The following SMIM31 variants were observed in gnomAD, a reference collection of about 807,000 sequenced individuals.
SMIM31 encodes human epithelial cell program regulator.
At chr4:164,783,464 C>T (rs1732986464) in intron 2 of SMIM31, among the ~76,000 whole-genome samples, 1 of 146,316 alleles carries the variant, frequency 6.8e-6, no homozygotes, top group Non-Finnish European at 1.5e-5. Context: ...GCGAAGGTTA[C>T]AGTGAGCCCC....
At chr4:164,761,242 T>A (rs1371905722) in intron 1 of SMIM31, among the ~76,000 whole-genome samples, 1 of 152,226 alleles carries the variant, frequency 6.6e-6, no homozygotes, top group African/African-American at 2.4e-5. Flanking sequence ...GGAAATAGTC[T>A]TTCTACTATG....
rs1020908533 is a variant in SMIM31, at chr4:164,802,517, T to A, written c.*1323T>A. ...TCCCAAAGCACTGGGATTACACGCATGAGCCACCATGCCTGGCCTGTTATT... is the reference window on the plus strand; with the variant it reads ...TCCCAAAGCACTGGGATTACACGCAAGAGCCACCATGCCTGGCCTGTTATT... On this transcript the variant is annotated 3_prime_UTR_variant, in exon 3 of 3. Coordinates refer to ENST00000507311, the MANE Select transcript of SMIM31 (RefSeq NM_001352885.1). 6.6e-6 allele frequency: 1 copy of A among 152,290 alleles called. No individual in the cohort carries two copies. The highest frequency in any genetic ancestry group is 2.4e-5 in the African/African-American group (1 of 41,468). 9.4% of individuals were successfully genotyped at this position (152,290 alleles called of 1,614,324 possible).
intron 2 of SMIM31, among the ~76,000 whole-genome samples, chr4:164,786,113 C>T (rs1300921446): frequency 6.6e-6 from 1 of 152,130 alleles, no homozygotes. Context: ...ATCAACTTCA[C>T]AGATTTTAAA....
chr4:164,782,683 G>C (rs1329306095), intron 2 of SMIM31, among the ~76,000 whole-genome samples: 2 of 151,722 alleles, frequency 1.3e-5, no homozygotes, highest in Non-Finnish European at 2.9e-5. Flanking sequence ...AATTTAAAAA[G>C]AATGCTACTT....
intron 1 of SMIM31, among the ~76,000 whole-genome samples, chr4:164,761,636 T>C (rs1460813261): frequency 6.6e-6 from 1 of 152,004 alleles, no homozygotes; most frequent in East Asian, 1.9e-4. Context: ...ATAAGGTCTC[T>C]GGCTGGGCAC....
chr4:164,767,783 G>A (rs1367501156), intron 1 of SMIM31, among the ~76,000 whole-genome samples: 1 of 152,228 alleles, frequency 6.6e-6, no homozygotes, highest in African/African-American at 2.4e-5. Context: ...TGACAAGAAG[G>A]TAGTCGGGTT....
chr4:164,799,977 C>T (rs1161195335), intron 2 of SMIM31, among the ~76,000 whole-genome samples: 1 of 152,196 alleles, frequency 6.6e-6, no homozygotes, highest in Non-Finnish European at 1.5e-5. Flanking sequence ...TGCTTTAAGG[C>T]TCACCCAACA....
chr4:164,788,124 C>T (rs1040933205), intron 2 of SMIM31, among the ~76,000 whole-genome samples: 2 of 152,064 alleles, frequency 1.3e-5, no homozygotes, highest in Non-Finnish European at 2.9e-5. Flanking sequence ...AAATAAATAT[C>T]GTCAGCAATC....
intron 1 of SMIM31, among the ~76,000 whole-genome samples, chr4:164,755,819 A>G (rs1732554074): frequency 6.6e-6 from 1 of 152,256 alleles, no homozygotes; most frequent in African/African-American, 2.4e-5. Flanking sequence ...ATGCAGTAGT[A>G]GCAAAGCCTT....
chr4:164,791,770 A>T (rs7681785), intron 2 of SMIM31, among the ~76,000 whole-genome samples: 2 of 151,892 alleles, frequency 1.3e-5, no homozygotes, highest in Non-Finnish European at 2.9e-5. Flanking sequence ...GGAGTGGTGA[A>T]GTCTGGGCTT....
intron 2 of SMIM31, among the ~76,000 whole-genome samples, chr4:164,772,657 C>A (rs892565845): frequency 2.0e-5 from 3 of 151,118 alleles, no homozygotes; most frequent in Admixed American, 6.6e-5. Context: ...CGACTCACTG[C>A]AAGCTCCGCC....
In SMIM31 at chr4:164,801,393, AT is replaced by A; in HGVS notation, c.*200del. 1 of 367,772 alleles carries A rather than the reference AT, an allele frequency of 2.7e-6. No homozygotes were observed. The highest frequency in any genetic ancestry group is 4.8e-6 in the Non-Finnish European group (1 of 207,188). The allele number at this position is 367,772 out of a possible 1,614,324, so 22.8% of individuals were successfully genotyped here. A position where few individuals can be genotyped will look rare whatever the true frequency, so the allele number is the denominator to read the frequency against. ...TCTGGGACTCAGCATTATCCAAAATATCTATTAAGAGCCATACACCATTCTA... is the reference window on the plus strand; with the variant it reads ...TCTGGGACTCAGCATTATCCAAAATACTATTAAGAGCCATACACCATTCTA... On this transcript the variant is annotated 3_prime_UTR_variant, in exon 3 of 3. Coordinates refer to ENST00000507311, the MANE Select transcript of SMIM31 (RefSeq NM_001352885.1).
chr4:164,777,480 A>G (rs925498503), intron 2 of SMIM31, among the ~76,000 whole-genome samples: 3 of 152,232 alleles, frequency 2.0e-5, no homozygotes, highest in Admixed American at 6.5e-5. Flanking sequence ...CTCTAGAGGT[A>G]GCACATAGTG....
chr4:164,780,220 G>T (rs979535710), intron 2 of SMIM31, among the ~76,000 whole-genome samples: 7 of 152,234 alleles, frequency 4.6e-5, no homozygotes, highest in African/African-American at 1.7e-4. Context: ...AAGGTCAGGA[G>T]ATCAAGACCA....
At chr4:164,771,016 T>C (rs1732794547) in intron 2 of SMIM31, among the ~76,000 whole-genome samples, 1 of 152,204 alleles carries the variant, frequency 6.6e-6, no homozygotes, top group Non-Finnish European at 1.5e-5. Flanking sequence ...TGTGTATATG[T>C]GTGTGTAAAT....
At chr4:164,761,403 C>T (rs1249395794) in intron 1 of SMIM31, among the ~76,000 whole-genome samples, 1 of 152,088 alleles carries the variant, frequency 6.6e-6, no homozygotes, top group Admixed American at 6.6e-5. Flanking sequence ...TGAACCTTGG[C>T]GAGGTAGTTA....
rs1276207183 is a variant in SMIM31 at position 164,770,113 on chromosome 4, G to A, written c.-25-306G>A. ...CCGTTTAAGTGCTCATTGCACGTCA[G>A]CATACCTTGTCTTTATTCCCAGAGT... On this transcript the variant is annotated intron_variant, in intron 1 of 2. Transcript: ENST00000507311. Among the ~76,000 whole-genome samples the A allele has an allele frequency of 3.3e-5, 5 of 152,256 alleles. 1 individual carries two copies. Among genetic ancestry groups the A allele is most frequent in the African/African-American group, 1.2e-4 (5 of 41,542 alleles).
At chr4:164,799,033 C>A (rs1174280298) in intron 2 of SMIM31, among the ~76,000 whole-genome samples, 1 of 152,144 alleles carries the variant, frequency 6.6e-6, no homozygotes, top group African/African-American at 2.4e-5. Context: ...TGAGCAGATG[C>A]CGGTGCCACG....
At chr4:164,761,528 T>C (rs1389419330) in intron 1 of SMIM31, among the ~76,000 whole-genome samples, 1 of 152,174 alleles carries the variant, frequency 6.6e-6, no homozygotes, top group Non-Finnish European at 1.5e-5. Context: ...TGCAAAGAGT[T>C]GGGTCAATTC....
Sources: gnomAD v4.1 joint callset for allele counts (sites outside exome capture counted in the v4.1 genomes callset) on GRCh38, gnomAD v4.1.1 for gene constraint, MANE v1.5 for transcripts, NCBI Gene and HGNC (gene_info 2026-07-23, HGNC 2026-07-21) for gene names.